The following PCDHA10 variants were observed in gnomAD, a reference collection of about 807,000 sequenced individuals.
PCDHA10 encodes the protein protocadherin alpha-10.
Under a neutral mutation model 61.2 loss-of-function variants are expected in PCDHA10, and 45 were observed. That is an observed-to-expected ratio of 0.74 (90% CI 0.58 to 0.94). The LOEUF is 0.94. Among genes scored for constraint, PCDHA10 ranks in the 40% least tolerant of loss-of-function variants. PCDHA10 has a pLI of 0.00. For synonymous variants in PCDHA10, 602 were observed against 548.8 expected (o/e 1.10, Z -1.35); for missense variants, 1,278 against 1,236.2 (o/e 1.03, Z -0.51).
At chr5:140,969,450 G>A (rs1554231822) in intron 1 of PCDHA10, 4 of 1,511,552 alleles carry the variant, frequency 2.6e-6, no homozygotes, top group Non-Finnish European at 3.6e-6. Flanking sequence ...GGTAAACTGA[G>A]TATATATAGT....
intron 1 of PCDHA10, among the ~76,000 whole-genome samples, chr5:140,958,989 A>C (rs2095457963): frequency 6.6e-6 from 1 of 152,064 alleles, no homozygotes; most frequent in Non-Finnish European, 1.5e-5. Flanking sequence ...TATTGTTGCT[A>C]ATCTTTTACT....
chr5:140,944,419 T>C (rs2093656334), intron 1 of PCDHA10, among the ~76,000 whole-genome samples: 2 of 152,184 alleles, frequency 1.3e-5, no homozygotes, highest in South Asian at 4.1e-4. Flanking sequence ...ACTCCTGATC[T>C]GAAGTGGTCT....
intron 1 of PCDHA10, among the ~76,000 whole-genome samples, chr5:140,895,928 A>G (rs559949902): frequency 5.9e-5 from 9 of 152,226 alleles, no homozygotes; most frequent in African/African-American, 1.9e-4. Flanking sequence ...ATCCTGCCTC[A>G]GCCTCCCGAG....
chr5:140,868,098 A>C (rs972281563), intron 1 of PCDHA10: 1 of 152,120 alleles, frequency 6.6e-6, no homozygotes, highest in African/African-American at 2.4e-5. Context: ...AATGATAATA[A>C]AATTTATTTT....
chr5:140,924,896 AAAAAAAAAAT>A (rs1244420537), intron 1 of PCDHA10, among the ~76,000 whole-genome samples: 4 of 69,138 alleles, frequency 5.8e-5, no homozygotes, highest in African/African-American at 1.0e-4. Flanking sequence ...ACCTGTCTCA[AAAAAAAAAAT>A]AAAATAAAAT....
intron 1 of PCDHA10, among the ~76,000 whole-genome samples, chr5:140,959,421 TTTG>T (rs1393541693): frequency 6.6e-6 from 1 of 152,102 alleles, no homozygotes; most frequent in East Asian, 1.9e-4. Flanking sequence ...GATCTGAGAA[TTTG>T]TGTATTTTTT....
At chr5:140,938,204 C>T (rs2091973590) in intron 1 of PCDHA10, among the ~76,000 whole-genome samples, 1 of 152,136 alleles carries the variant, frequency 6.6e-6, no homozygotes, top group East Asian at 1.9e-4. Flanking sequence ...CGCCAGCCTC[C>T]CAAAGTGCTG....
chr5:140,926,881 C>G, intron 1 of PCDHA10: 1 of 1,541,960 alleles, frequency 6.5e-7, no homozygotes, highest in Non-Finnish European at 8.8e-7. Context: ...AACGTGGACG[C>G]CTAGAGGGAG....
At chr5:140,929,373 C>T (rs1563116244) in intron 1 of PCDHA10, 1 of 1,514,818 alleles carries the variant, frequency 6.6e-7, no homozygotes, top group Non-Finnish European at 8.8e-7. Context: ...GAGATGGCTG[C>T]TAGCTGTGTT....
intron 3 of PCDHA10, among the ~76,000 whole-genome samples, chr5:140,989,470 C>T (rs1365588787): frequency 6.6e-6 from 1 of 152,148 alleles, no homozygotes; most frequent in African/African-American, 2.4e-5. Context: ...TGGAACTCCT[C>T]CTGGGAGGTG....
chr5:140,957,104 C>T (rs2095333785), intron 1 of PCDHA10, among the ~76,000 whole-genome samples: 1 of 152,104 alleles, frequency 6.6e-6, no homozygotes, highest in Non-Finnish European at 1.5e-5. Context: ...TTGCTATGGA[C>T]ATGATTCTGT....
At chr5:140,877,403 G>C (rs199806507) in intron 1 of PCDHA10, 1 of 1,613,770 alleles carries the variant, frequency 6.2e-7, no homozygotes, top group Non-Finnish European at 8.5e-7. Context: ...GACGCTCCGC[G>C]CCACCGCCTG....
At chr5:140,899,894 A>G (rs2067617727) in intron 1 of PCDHA10, among the ~76,000 whole-genome samples, 1 of 151,938 alleles carries the variant, frequency 6.6e-6, no homozygotes, top group African/African-American at 2.4e-5. Context: ...TGCAGCCTTG[A>G]CATCCTGGGC....
chr5:140,991,534 T>C (rs1393603513), intron 3 of PCDHA10, among the ~76,000 whole-genome samples: 1 of 152,236 alleles, frequency 6.6e-6, no homozygotes, highest in African/African-American at 2.4e-5. Context: ...CTTGCCACTA[T>C]ATAACAAGGA....
At position 140,857,609 on chromosome 5, in the gene PCDHA10, C is replaced by T; in HGVS notation, c.1561C>T (p.Pro521Ser). 1.3e-6 allele frequency: 2 copies of T among 1,596,206 alleles called. 1 individual carries two copies. Among genetic ancestry groups the T allele is most frequent in the African/African-American group, 2.7e-5 (2 of 74,262 alleles). ...GAGCGGCAAGGTGTACGCGCTGCAG[C>T]CGCTGGACCACGAGGAGCTGGAGCT... is the stretch of plus-strand genomic sequence containing the variant. ...AESGKVYALQ[P>S]LDHEELELLQ... Residue 521 changes from proline to serine, a missense_variant, in exon 1 of 4, where the codon CCG becomes TCG. Transcript: ENST00000307360.
At chr5:140,951,071 C>T (rs246044) in intron 1 of PCDHA10, among the ~76,000 whole-genome samples, 86,232 of 151,532 alleles carry the variant, frequency 0.57, 25,208 homozygotes, top group African/African-American at 0.71. Flanking sequence ...CATTGGCTTT[C>T]TTATATTTTC....
At chr5:141,002,503 A>G (rs924059580) in intron 3 of PCDHA10, among the ~76,000 whole-genome samples, 1 of 152,226 alleles carries the variant, frequency 6.6e-6, no homozygotes, top group African/African-American at 2.4e-5. Flanking sequence ...ACAGCTCAGG[A>G]TCTGAGTCTC....
At chr5:140,893,780 C>G (rs966071281) in intron 1 of PCDHA10, among the ~76,000 whole-genome samples, 1 of 151,980 alleles carries the variant, frequency 6.6e-6, no homozygotes. Flanking sequence ...TTTCTTTTAC[C>G]GTTTTTAGAA....
intron 1 of PCDHA10, among the ~76,000 whole-genome samples, chr5:140,975,776 A>G (rs1554237009): frequency 1.3e-5 from 2 of 152,152 alleles, no homozygotes; most frequent in African/African-American, 2.4e-5. Flanking sequence ...AGATAATACC[A>G]TTACAAGATA....
Sources: gnomAD v4.1 joint callset for allele counts (sites outside exome capture counted in the v4.1 genomes callset) on GRCh38, gnomAD v4.1.1 for gene constraint, MANE v1.5 for transcripts, NCBI Gene and HGNC (gene_info 2026-07-23, HGNC 2026-07-21) for gene names.